NRXN3: variants seen among roughly 807,000 people sequenced by gnomAD.
The protein encoded by NRXN3 is neurexin III.
In NRXN3, 32 loss-of-function variants were observed where a neutral mutation model predicts 137.6. That is an observed-to-expected ratio of 0.23 (90% confidence interval 0.18 to 0.31). The LOEUF is 0.31. NRXN3 is among the 10% of genes least tolerant of loss of function. The pLI is 1.00. For synonymous variants in NRXN3, 798 were observed against 784.5 expected (o/e 1.02, Z -0.29); for missense variants, 1,574 against 2,062.5 (o/e 0.76, Z 4.59).
chr14:78,985,438 C>T (rs184168502), intron 14 of NRXN3, among the ~76,000 whole-genome samples: 9 of 152,236 alleles, frequency 5.9e-5, no homozygotes, highest in East Asian at 1.9e-4. Flanking sequence ...AAATTAATGA[C>T]GCAGATAATA....
chr14:79,067,893 T>G (rs1481072119), intron 15 of NRXN3, among the ~76,000 whole-genome samples: 3 of 152,018 alleles, frequency 2.0e-5, no homozygotes, highest in African/African-American at 7.2e-5. Flanking sequence ...GATAAAAATA[T>G]TTTTTAGACT....
chr14:79,220,390 C>T (rs2069358987), intron 15 of NRXN3, among the ~76,000 whole-genome samples: 1 of 152,186 alleles, frequency 6.6e-6, no homozygotes, highest in South Asian at 2.1e-4. Context: ...CACATGATAG[C>T]TTCCCCCATC....
intron 19 of NRXN3, among the ~76,000 whole-genome samples, chr14:79,757,188 C>T (rs988016007): frequency 9.9e-5 from 15 of 152,178 alleles, no homozygotes; most frequent in Non-Finnish European, 5.9e-5. Context: ...AATTAGTTTT[C>T]TTCAGGGGCT....
At chr14:78,667,845 G>T (rs1266887661) in intron 6 of NRXN3, among the ~76,000 whole-genome samples, 2 of 152,064 alleles carry the variant, frequency 1.3e-5, no homozygotes, top group African/African-American at 4.8e-5. Context: ...GAGCAATGGT[G>T]TGATATCAGC....
At chr14:79,403,693 T>C (rs2095255185) in intron 15 of NRXN3, among the ~76,000 whole-genome samples, 1 of 152,114 alleles carries the variant, frequency 6.6e-6, no homozygotes. Flanking sequence ...TTATAAGGCA[T>C]TCCCTGTGCT....
intron 20 of NRXN3, among the ~76,000 whole-genome samples, chr14:79,812,092 C>T (rs927544178): frequency 2.0e-5 from 3 of 151,976 alleles, no homozygotes; most frequent in African/African-American, 7.3e-5. Context: ...CATAGATCGA[C>T]TATTGTGGAT....
intron 4 of NRXN3, among the ~76,000 whole-genome samples, chr14:78,613,342 A>G (rs61976091): frequency 0.05 from 7,649 of 152,278 alleles, 258 homozygotes; most frequent in Middle Eastern, 0.15. Flanking sequence ...ATATTTTTAC[A>G]TGTTTCATTA....
Position 78,536,054 on chromosome 14 carries a change from C to T in NRXN3, c.758-109066C>T, listed in dbSNP as rs555061292. Among the ~76,000 whole-genome samples, 14 of 152,226 alleles carry T rather than the reference C, an allele frequency of 9.2e-5. No homozygotes were observed. The South Asian group carries it at 1.9e-3, about 20-fold the overall frequency. On this transcript the variant is annotated intron_variant, in intron 4 of 20. Transcript: ENST00000335750. The stretch of plus-strand genomic sequence containing the variant: ...CAAAAAATGGGGTCTGAGAGTGTTT[C>T]GTGGCATGACAGTTGTGGTCAGAAC...
At chr14:78,858,467 G>A (rs1046750820) in intron 10 of NRXN3, among the ~76,000 whole-genome samples, 5 of 152,116 alleles carry the variant, frequency 3.3e-5, no homozygotes, top group Non-Finnish European at 5.9e-5. Context: ...CTCTTCTGAA[G>A]AAAGAGGTAA....
chr14:78,479,928 T>C (rs185434652), intron 4 of NRXN3, among the ~76,000 whole-genome samples: 1 of 152,242 alleles, frequency 6.6e-6, no homozygotes, highest in East Asian at 1.9e-4. Flanking sequence ...GCAAATTACC[T>C]GAGGTCAGGA....
At chr14:79,166,115 AT>A in intron 15 of NRXN3, among the ~76,000 whole-genome samples, 1 of 152,042 alleles carries the variant, frequency 6.6e-6, no homozygotes, top group Middle Eastern at 3.4e-3. Context: ...TATTTTTTTG[AT>A]GAATATCATG....
intron 20 of NRXN3, among the ~76,000 whole-genome samples, chr14:79,854,870 A>G (rs927858037): frequency 6.6e-6 from 1 of 152,208 alleles, no homozygotes; most frequent in African/African-American, 2.4e-5. Context: ...CTTTTGCTTC[A>G]GGCTACAAAA....
intron 15 of NRXN3, among the ~76,000 whole-genome samples, chr14:79,212,137 T>C (rs973693955): frequency 2.6e-5 from 4 of 152,192 alleles, no homozygotes; most frequent in African/African-American, 9.6e-5. Context: ...GATGTTACTA[T>C]TGTCTCAGCA....
chr14:78,674,363 A>T (rs933318323), intron 6 of NRXN3, among the ~76,000 whole-genome samples: 1 of 152,192 alleles, frequency 6.6e-6, no homozygotes, highest in African/African-American at 2.4e-5. Context: ...GAAGCCCTGG[A>T]TCCCTGGCCA....
At chr14:79,403,817 T>C (rs926838362) in intron 15 of NRXN3, among the ~76,000 whole-genome samples, 8 of 152,084 alleles carry the variant, frequency 5.3e-5, no homozygotes, top group African/African-American at 1.9e-4. Context: ...GAGATCTTGA[T>C]ATGACCCAAA....
chr14:79,546,528 C>T (rs10137124), intron 16 of NRXN3, among the ~76,000 whole-genome samples: 4,944 of 152,144 alleles, frequency 0.032, 251 homozygotes, highest in African/African-American at 0.11. Context: ...GAACAAGTGA[C>T]TTGTAAGTGT....
At chr14:78,766,643 G>A (rs891942467) in intron 8 of NRXN3, among the ~76,000 whole-genome samples, 1 of 152,146 alleles carries the variant, frequency 6.6e-6, no homozygotes, top group African/African-American at 2.4e-5. Flanking sequence ...TGTGGAAACT[G>A]AACTATAGAG....
intron 4 of NRXN3, among the ~76,000 whole-genome samples, chr14:78,573,675 A>G (rs2096909994): frequency 6.6e-6 from 1 of 152,236 alleles, no homozygotes; most frequent in African/African-American, 2.4e-5. Flanking sequence ...ATTCAGTTAT[A>G]TGTATTCACA....
intron 15 of NRXN3, chr14:79,246,892 T>A (rs2075265361): frequency 6.6e-6 from 1 of 152,134 alleles, no homozygotes; most frequent in Non-Finnish European, 1.5e-5. Context: ...TAGCAAAAAA[T>A]TTGCTAGTGA....
Sources: gnomAD v4.1 joint callset for allele counts (sites outside exome capture counted in the v4.1 genomes callset) on GRCh38, gnomAD v4.1.1 for gene constraint, MANE v1.5 for transcripts, NCBI Gene and HGNC (gene_info 2026-07-23, HGNC 2026-07-21) for gene names.